The following TYW1 variants were observed in gnomAD, a reference collection of about 807,000 sequenced individuals.
The protein encoded by TYW1 is S-adenosyl-L-methionine-dependent tRNA 4-demethylwyosine synthase TYW1.
A neutral mutation model predicts 96.2 loss-of-function variants in TYW1; 46 were observed. That is an observed-to-expected ratio of 0.48 (90% CI 0.38 to 0.61). TYW1 has a LOEUF of 0.61. Ranked by LOEUF, TYW1 falls within the 20% of genes least tolerant of loss-of-function variation. The pLI, the probability that TYW1 is intolerant of heterozygous loss-of-function variation, is 0.00. For synonymous variants in TYW1, 274 were observed against 323.0 expected, an observed-to-expected ratio of 0.85 and a Z score of 1.63; for missense variants, 684 against 909.6, an observed-to-expected ratio of 0.75 and a Z score of 3.19.
At position 67,107,729 on chromosome 7, in the gene TYW1, C is replaced by CT. The variant is rs1219207168; in HGVS notation, c.1562+9026dup. ...AACCTGTTACTTGAGATAAGATTGA[C>CT]TTTTTTTTTTTTTTTCTTCAGAGAC... On this transcript the variant is annotated intron_variant, in intron 12 of 15. Coordinates refer to ENST00000359626, the MANE Select transcript of TYW1 (RefSeq NM_018264.4). Among the ~76,000 whole-genome samples the CT allele has an allele frequency of 5.5e-3, 789 of 142,932 alleles. 2 individuals carry two copies. The highest frequency in any genetic ancestry group is 0.015 in the Middle Eastern group (4 of 274). 93.8% of individuals were successfully genotyped at this position (142,932 alleles called of 152,430 possible). A position where few individuals can be genotyped will look rare whatever the true frequency, so the allele number is the denominator to read the frequency against.
intron 4 of TYW1, among the ~76,000 whole-genome samples, chr7:67,010,642 A>T (rs1480808771): frequency 6.6e-6 from 1 of 151,522 alleles, no homozygotes; most frequent in African/African-American, 2.4e-5. Context: ...CACCCGACAA[A>T]TTTTTTGTAT....
intron 12 of TYW1, among the ~76,000 whole-genome samples, chr7:67,101,761 G>C (rs543063552): frequency 8.3e-4 from 127 of 152,190 alleles, no homozygotes; most frequent in African/African-American, 2.9e-3. Flanking sequence ...GCCTCCCAAA[G>C]TGCTGGGATT....
At chr7:67,199,067 T>G (rs1038478654) in intron 15 of TYW1, among the ~76,000 whole-genome samples, 5 of 152,220 alleles carry the variant, frequency 3.3e-5, no homozygotes, top group African/African-American at 1.2e-4. Flanking sequence ...CGTGATGGCA[T>G]GAACCTGTAG....
intron 13 of TYW1, among the ~76,000 whole-genome samples, chr7:67,177,782 C>T (rs1335685398): frequency 4.6e-5 from 7 of 151,956 alleles, no homozygotes; most frequent in Admixed American, 3.9e-4. Flanking sequence ...CTGCTAAGGT[C>T]GAATGTATAC....
In TYW1 at chr7:67,026,627, A is replaced by G. The variant is rs186627266; in HGVS notation, c.984+1605A>G. Among the ~76,000 whole-genome samples, 15 of 152,166 alleles carry G rather than the reference A, an allele frequency of 9.9e-5. No individual in the cohort carries two copies. In the East Asian group the frequency reaches 2.9e-3, roughly 29 times the overall value. ...ATGTGGAAAAAATAAACATGGAATA[A>G]TAGTTATGAAAACCCTGGTGAAAGT... On this transcript the variant is annotated intron_variant, in intron 7 of 15. Transcript: ENST00000359626.
intron 12 of TYW1, among the ~76,000 whole-genome samples, chr7:67,101,865 A>G (rs1797098152): frequency 6.6e-6 from 1 of 152,346 alleles, no homozygotes; most frequent in Admixed American, 6.5e-5. Context: ...ATAATATGAA[A>G]ATCAGTGTAT....
chr7:67,179,660 T>C (rs1799774814), intron 13 of TYW1, among the ~76,000 whole-genome samples: 1 of 135,854 alleles, frequency 7.4e-6, no homozygotes, highest in Non-Finnish European at 1.6e-5. Context: ...TGCAAACTCC[T>C]GCTATTATTT....
At chr7:67,138,068 C>T (rs2116096329) in intron 13 of TYW1, among the ~76,000 whole-genome samples, 1 of 152,252 alleles carries the variant, frequency 6.6e-6, no homozygotes, top group East Asian at 1.9e-4. Context: ...TGGCCAGCTA[C>T]CTCCTTGTGG....
At chr7:67,005,423 C>CT (rs1241475417) in intron 3 of TYW1, among the ~76,000 whole-genome samples, 2 of 152,296 alleles carry the variant, frequency 1.3e-5, no homozygotes, top group East Asian at 3.9e-4. Flanking sequence ...TGGCAAAACT[C>CT]TATCTCTACA....
rs1400594372 is a variant in TYW1 at position 67,014,662 on chromosome 7, AAC to A, written c.570+107_570+108del. On this transcript the variant is annotated intron_variant, in intron 5 of 15. Transcript: ENST00000359626. ...ACGTGCACACACGCACACACACATA[AAC>A]ACACATGTATGTGAAATAATCCACA... 2.2e-5 allele frequency: 29 copies of A among 1,340,776 alleles called. No individual in the cohort carries two copies. In the African/African-American group the frequency reaches 2.2e-4, roughly 10 times the overall value. 83.1% of individuals were successfully genotyped at this position (1,340,776 alleles called of 1,614,324 possible). A position where few individuals can be genotyped will look rare whatever the true frequency, so the allele number is the denominator to read the frequency against.
intron 7 of TYW1, among the ~76,000 whole-genome samples, chr7:67,041,497 G>A (rs1319053116): frequency 2.0e-5 from 3 of 151,922 alleles, no homozygotes; most frequent in Non-Finnish European, 4.4e-5. Flanking sequence ...ACAGTGCCTC[G>A]CCATGTTGGC....
At chr7:67,207,900 T>C (rs1410096017) in intron 15 of TYW1, among the ~76,000 whole-genome samples, 1 of 152,098 alleles carries the variant, frequency 6.6e-6, no homozygotes, top group African/African-American at 2.4e-5. Flanking sequence ...TTTGTATTTT[T>C]AGTAGAGATG....
chr7:67,157,620 T>TA (rs1799025922), intron 13 of TYW1, among the ~76,000 whole-genome samples: 1 of 152,224 alleles, frequency 6.6e-6, no homozygotes, highest in South Asian at 2.1e-4. Flanking sequence ...TTCATACATT[T>TA]ATTTAGATTT....
At chr7:67,102,286 A>G (rs1311023099) in intron 12 of TYW1, among the ~76,000 whole-genome samples, 1 of 152,200 alleles carries the variant, frequency 6.6e-6, no homozygotes, top group East Asian at 1.9e-4. Flanking sequence ...CGTCCAACAA[A>G]ATGCCGGCCA....
chr7:67,049,902 T>C (rs1291021677), intron 7 of TYW1, 47 bp from the exon 8 acceptor site: 1 of 1,609,318 alleles, frequency 6.2e-7, no homozygotes, highest in Middle Eastern at 1.7e-4. Context: ...GTTATTTACA[T>C]TGCACATTAC....
chr7:67,167,202 G>A (rs1799363336), intron 13 of TYW1, among the ~76,000 whole-genome samples: 2 of 152,106 alleles, frequency 1.3e-5, no homozygotes, highest in Non-Finnish European at 2.9e-5. Context: ...GGGCGCGGCG[G>A]CTCACGCCTA....
intron 5 of TYW1, among the ~76,000 whole-genome samples, chr7:67,015,824 G>A (rs528946630): frequency 6.6e-4 from 101 of 152,040 alleles, no homozygotes; most frequent in Non-Finnish European, 1.2e-3. Flanking sequence ...TTAGCCAGGT[G>A]TGGTGGCGGG....
intron 13 of TYW1, among the ~76,000 whole-genome samples, chr7:67,166,746 C>T (rs758800394): frequency 1.6e-4 from 25 of 152,182 alleles, no homozygotes; most frequent in East Asian, 1.9e-4. Flanking sequence ...GAGTATGCCA[C>T]GATTTATTCC....
chr7:67,212,307 A>T (rs1376540450), intron 15 of TYW1, among the ~76,000 whole-genome samples: 3 of 131,438 alleles, frequency 2.3e-5, no homozygotes, highest in East Asian at 2.3e-4. Context: ...TCTTTCGTGC[A>T]TTTTCCTGGC....
Sources: allele counts gnomAD v4.1 joint callset (sites outside exome capture counted in the v4.1 genomes callset), GRCh38; gene constraint gnomAD v4.1.1; transcripts MANE v1.5; gene names NCBI Gene and HGNC (gene_info 2026-07-23, HGNC 2026-07-21).